The following ATF7 variants were observed in gnomAD, a reference collection of about 807,000 sequenced individuals.
ATF7 encodes activating transcription factor 7, also known as cyclic AMP-dependent transcription factor ATF-7.
In ATF7, 10 loss-of-function variants were observed where a neutral mutation model predicts 50.4. That is an observed-to-expected ratio of 0.20 (90% CI 0.12 to 0.34). The LOEUF is 0.34. ATF7 is among the 10% of genes least tolerant of loss of function. ATF7 has a pLI of 1.00. For missense variants in ATF7, 465 were observed against 613.9 expected, an observed-to-expected ratio of 0.76 and a Z score of 2.56; for synonymous variants, 201 against 226.4, an observed-to-expected ratio of 0.89 and a Z score of 1.01.
chr12:53,523,773 T>C (rs904511128), intron 10 of ATF7, among the ~76,000 whole-genome samples: 5 of 152,214 alleles, frequency 3.3e-5, no homozygotes, highest in African/African-American at 9.7e-5. Context: ...GCAGTATCAA[T>C]ATCCATACCT....
chr12:53,557,196 ATTTG>A (rs1438115993), intron 2 of ATF7, among the ~76,000 whole-genome samples: 1 of 152,026 alleles, frequency 6.6e-6, no homozygotes, highest in African/African-American at 2.4e-5. Flanking sequence ...TAGTTCCCTT[ATTTG>A]TTTGTTTTCT....
intron 3 of ATF7, among the ~76,000 whole-genome samples, chr12:53,545,240 G>T (rs758990984): frequency 6.6e-6 from 1 of 152,028 alleles, no homozygotes; most frequent in Non-Finnish European, 1.5e-5. Context: ...AAATGGCTCT[G>T]GTTTGTGAAC....
At position 53,606,406 on chromosome 12, in the gene ATF7, G is replaced by A. The variant is rs560535909; in HGVS notation, c.-21-5385C>T. 1.8e-4 allele frequency among the ~76,000 whole-genome samples: 27 copies of A among 151,976 alleles called. No homozygotes were observed. In the East Asian group the frequency reaches 4.4e-3, roughly 25 times the overall value. On this transcript the variant is annotated intron_variant, in intron 1 of 11. Coordinates refer to ENST00000420353, the MANE Select transcript of ATF7 (RefSeq NM_006856.3). ...TGAGATTACAGGCATGTGCCACCAC[G>A]CCTGGCTAATTTTGTATTTTTAGTA...
chr12:53,601,084 A>G, intron 1 of ATF7, 63 bp from the exon 2 acceptor site: 2 of 1,068,034 alleles, frequency 1.9e-6, no homozygotes, highest in Non-Finnish European at 2.7e-6. Context: ...AAAAAAAAAA[A>G]GTGCTTCAAA....
chr12:53,587,337 A>C (rs953493647), intron 2 of ATF7, among the ~76,000 whole-genome samples: 5 of 142,250 alleles, frequency 3.5e-5, no homozygotes, highest in African/African-American at 1.3e-4. Context: ...ACTATAGTCC[A>C]GCCTGGGTGA....
At chr12:53,547,661 T>C (rs889359880) in intron 3 of ATF7, among the ~76,000 whole-genome samples, 3 of 151,002 alleles carry the variant, frequency 2.0e-5, no homozygotes, top group African/African-American at 7.3e-5. Flanking sequence ...CACTGAAACC[T>C]TGAACTCCTG....
rs1944171710 is a variant in ATF7 at position 53,512,896 on chromosome 12, T to C, written c.*4241A>G. ...AACCTTTAGTGTGCATTAGAATCACTTGGAGTGCTTTTAAACCCTGCCCCC... is the reference window on the plus strand; with the variant it reads ...AACCTTTAGTGTGCATTAGAATCACCTGGAGTGCTTTTAAACCCTGCCCCC... On this transcript the variant is annotated 3_prime_UTR_variant, in exon 12 of 12. Coordinates refer to ENST00000420353, the MANE Select transcript of ATF7 (RefSeq NM_006856.3). The C allele has an allele frequency of 6.6e-6, 1 of 152,228 alleles. No individual in the cohort carries two copies. The highest frequency in any genetic ancestry group is 2.4e-5 in the African/African-American group (1 of 41,452). The allele number at this position is 152,228 out of a possible 1,614,324, so 9.4% of individuals were successfully genotyped here.
intron 1 of ATF7, among the ~76,000 whole-genome samples, chr12:53,617,269 GT>G (rs1944175742): frequency 2.0e-5 from 3 of 152,150 alleles, no homozygotes; most frequent in Non-Finnish European, 4.4e-5. Flanking sequence ...GCCTCCCAAA[GT>G]GCTAGGATTA....
chr12:53,622,163 T>G (rs986121486), intron 1 of ATF7, among the ~76,000 whole-genome samples: 1 of 151,788 alleles, frequency 6.6e-6, no homozygotes, highest in African/African-American at 2.4e-5. Flanking sequence ...TAGCTAGGCA[T>G]GGATGGCGGG....
In ATF7 at chr12:53,626,340, C is replaced by A. The variant is rs538296294; in HGVS notation, c.-83G>T. 1 of 152,982 alleles carries A rather than the reference C, an allele frequency of 6.5e-6. No individual in the cohort carries two copies. Among genetic ancestry groups the A allele is most frequent in the East Asian group, 1.9e-4 (1 of 5,188 alleles). 9.5% of individuals were successfully genotyped at this position (152,982 alleles called of 1,614,324 possible). On this transcript the variant is annotated 5_prime_UTR_variant, in exon 1 of 12. Coordinates refer to ENST00000420353, the MANE Select transcript of ATF7 (RefSeq NM_006856.3). ...TCGGTCCTACAATCTGTCTCCAGCTCCTCCTTTCCCCCCTTGGCGGAACGG... is the reference window on the plus strand; with the variant it reads ...TCGGTCCTACAATCTGTCTCCAGCTACTCCTTTCCCCCCTTGGCGGAACGG...
intron 3 of ATF7, among the ~76,000 whole-genome samples, chr12:53,550,331 A>AAAAAAAATAAAT (rs1214452844): frequency 1.6e-5 from 2 of 123,630 alleles, no homozygotes; most frequent in Admixed American, 8.7e-5. Flanking sequence ...CTCAAAAAAA[A>AAAAAAAATAAAT]AAATAAATAA....
At chr12:53,587,381 A>AAAAAAAAAAAAAAAAAAAAAAAAG (rs1565981111) in intron 2 of ATF7, among the ~76,000 whole-genome samples, 9 of 148,216 alleles carry the variant, frequency 6.1e-5, no homozygotes, top group African/African-American at 2.0e-4. Flanking sequence ...AAAAAAAAAA[A>AAAAAAAAAAAAAAAAAAAAAAAAG]AAGAAGGAAA....
intron 3 of ATF7, among the ~76,000 whole-genome samples, chr12:53,545,436 A>G (rs930244108): frequency 3.9e-5 from 6 of 152,056 alleles, no homozygotes; most frequent in African/African-American, 1.4e-4. Context: ...TCCCAAGTTC[A>G]AGGGATTCTC....
rs576775918 is a variant in ATF7, at chr12:53,552,698, T to G, written c.49-61A>C. The G allele has an allele frequency of 4.3e-5, 54 of 1,263,048 alleles. 1 individual carries two copies. In the East Asian group the frequency reaches 7.5e-4, roughly 18 times the overall value. The allele number at this position is 1,263,048 out of a possible 1,614,324, so 78.2% of individuals were successfully genotyped here. On this transcript the variant is annotated intron_variant, in intron 2 of 11. Coordinates refer to ENST00000420353, the MANE Select transcript of ATF7 (RefSeq NM_006856.3). ...AAAACAAAAACCCGATTCGGTGCCC[T>G]TTTAAAATGTCCTACCAAACATCTT...
chr12:53,549,909 G>C (rs1015532060), intron 3 of ATF7, among the ~76,000 whole-genome samples: 1 of 152,062 alleles, frequency 6.6e-6, no homozygotes, highest in African/African-American at 2.4e-5. Flanking sequence ...GTAGAGACGG[G>C]GTTTCACCTC....
intron 1 of ATF7, among the ~76,000 whole-genome samples, chr12:53,620,268 A>G (rs905369429): frequency 2.6e-5 from 4 of 151,328 alleles, no homozygotes; most frequent in Admixed American, 2.0e-4. Flanking sequence ...ATGAAAACCC[A>G]TATCTACTAA....
At chr12:53,554,510 C>T (rs936286463) in intron 2 of ATF7, among the ~76,000 whole-genome samples, 2 of 151,944 alleles carry the variant, frequency 1.3e-5, no homozygotes, top group African/African-American at 4.8e-5. Context: ...GTGGGGGGAG[C>T]CCAGGAGGTT....
intron 2 of ATF7, among the ~76,000 whole-genome samples, chr12:53,599,977 T>C (rs1229673731): frequency 6.6e-6 from 1 of 152,198 alleles, no homozygotes; most frequent in African/African-American, 2.4e-5. Flanking sequence ...TCAACAAAAT[T>C]ACTTTATTAA....
At chr12:53,613,870 A>G (rs1944000450) in intron 1 of ATF7, among the ~76,000 whole-genome samples, 1 of 150,848 alleles carries the variant, frequency 6.6e-6, no homozygotes, top group South Asian at 2.1e-4. Flanking sequence ...TCCGAGACCA[A>G]AAAGTTTGAG....
Sources: allele counts gnomAD v4.1 joint callset (sites outside exome capture counted in the v4.1 genomes callset), GRCh38; gene constraint gnomAD v4.1.1; transcripts MANE v1.5; gene names NCBI Gene and HGNC (gene_info 2026-07-23, HGNC 2026-07-21).